RALYL: variants seen among roughly 807,000 people sequenced by gnomAD.
The protein encoded by RALYL is RNA-binding Raly-like protein.
Under a neutral mutation model 35.1 loss-of-function variants are expected in RALYL, and 29 were observed. That is an observed-to-expected ratio of 0.83 (90% CI 0.61 to 1.13). The LOEUF is 1.13. Among genes scored for constraint, RALYL ranks in the 50% most tolerant of loss-of-function variants. RALYL has a pLI of 0.00. For synonymous variants in RALYL, 120 were observed against 127.6 expected (o/e 0.94, Z 0.40); for missense variants, 359 against 360.4 (o/e 1.00, Z 0.03).
At chr8:84,600,108 T>C (rs1466719717) in intron 2 of RALYL, among the ~76,000 whole-genome samples, 1 of 152,098 alleles carries the variant, frequency 6.6e-6, no homozygotes, top group Non-Finnish European at 1.5e-5. Context: ...CTTTGACTTA[T>C]TTCATCCCAA....
In RALYL at chr8:84,821,497, T is replaced by C. The variant is rs182658412; in HGVS notation, c.365+16695T>C. Among the ~76,000 whole-genome samples the C allele has an allele frequency of 6.5e-3, 993 of 152,328 alleles. 8 individuals carry two copies. Among genetic ancestry groups the C allele is most frequent in the Non-Finnish European group, 8.6e-3 (584 of 68,024 alleles). On this transcript the variant is annotated intron_variant, in intron 4 of 8. Coordinates refer to ENST00000521268, the MANE Select transcript of RALYL (RefSeq NM_173848.7). ...CTTTAATTATTCAGGAAAATAATCA[T>C]GTATGTAAAAAGTTATTTATTGCTT...
chr8:84,357,482 A>G (rs1852078898), intron 1 of RALYL, among the ~76,000 whole-genome samples: 1 of 151,964 alleles, frequency 6.6e-6, no homozygotes, highest in Non-Finnish European at 1.5e-5. Context: ...GATAACACTA[A>G]TTGTAAGGTT....
rs573048803 is a variant in RALYL, at chr8:84,269,880, A to G, written c.-24+85456A>G. On this transcript the variant is annotated intron_variant, in intron 1 of 8. Transcript: ENST00000521268. ...AAGTTTAGTTGAAACTCATTATTTG[A>G]TTATTAATATTTTAAAATTATAGTA... 6.0e-4 allele frequency among the ~76,000 whole-genome samples: 92 copies of G among 152,232 alleles called. 1 individual carries two copies. The highest frequency in any genetic ancestry group is 1.2e-3 in the Non-Finnish European group (84 of 67,992).
intron 7 of RALYL, 91 bp from the exon 8 acceptor site, chr8:84,887,513 T>A: frequency 8.6e-7 from 1 of 1,157,228 alleles, no homozygotes; most frequent in Non-Finnish European, 1.2e-6. Flanking sequence ...GCATATAGCG[T>A]TTACCCTTTC....
intron 2 of RALYL, among the ~76,000 whole-genome samples, chr8:84,562,547 C>G (rs754213440): frequency 6.6e-6 from 1 of 151,840 alleles, no homozygotes; most frequent in Non-Finnish European, 1.5e-5. Flanking sequence ...GAAAGATGGT[C>G]ATATAAAATG....
At chr8:84,350,166 T>C (rs1850620721) in intron 1 of RALYL, among the ~76,000 whole-genome samples, 1 of 150,428 alleles carries the variant, frequency 6.6e-6, no homozygotes, top group Non-Finnish European at 1.5e-5. Flanking sequence ...CGTAAGACAC[T>C]GGGCAGCCCC....
chr8:84,451,840 C>T (rs2049512308), intron 1 of RALYL, among the ~76,000 whole-genome samples: 1 of 151,866 alleles, frequency 6.6e-6, no homozygotes, highest in Non-Finnish European at 1.5e-5. Flanking sequence ...TTACTTATTC[C>T]CATTTGCTTT....
chr8:84,406,602 T>G (rs1193235378), intron 1 of RALYL, among the ~76,000 whole-genome samples: 1 of 152,010 alleles, frequency 6.6e-6, no homozygotes, highest in Non-Finnish European at 1.5e-5. Flanking sequence ...ATAACCATTT[T>G]GAATAAACCA....
At chr8:84,898,561 A>G (rs1563831442) in intron 8 of RALYL, among the ~76,000 whole-genome samples, 2 of 152,292 alleles carry the variant, frequency 1.3e-5, no homozygotes, top group Middle Eastern at 3.4e-3. Context: ...ATGAAAACTC[A>G]CTCAAAATCA....
intron 2 of RALYL, among the ~76,000 whole-genome samples, chr8:84,642,771 T>C (rs1044909147): frequency 6.6e-6 from 1 of 151,536 alleles, no homozygotes; most frequent in African/African-American, 2.4e-5. Flanking sequence ...AGAAAGGAGG[T>C]CAGGTTTTAC....
intron 8 of RALYL, among the ~76,000 whole-genome samples, chr8:84,903,786 C>T (rs1226109431): frequency 1.3e-5 from 2 of 152,028 alleles, no homozygotes; most frequent in African/African-American, 2.4e-5. Context: ...AAGTCTTTCC[C>T]GTCTTGTAAA....
At chr8:84,657,973 T>A (rs1830256406) in intron 2 of RALYL, among the ~76,000 whole-genome samples, 1 of 152,134 alleles carries the variant, frequency 6.6e-6, no homozygotes, top group South Asian at 2.1e-4. Flanking sequence ...TCTGTCTTGG[T>A]CAAGGGGATC....
intron 2 of RALYL, among the ~76,000 whole-genome samples, chr8:84,670,954 GTC>G (rs1564345690): frequency 6.6e-6 from 1 of 152,128 alleles, no homozygotes; most frequent in African/African-American, 2.4e-5. Flanking sequence ...ACAGTTCAAA[GTC>G]TCATCTGAGA....
chr8:84,483,016 T>A (rs369294946), intron 1 of RALYL, among the ~76,000 whole-genome samples: 2 of 152,116 alleles, frequency 1.3e-5, no homozygotes, highest in African/African-American at 2.4e-5. Context: ...AACCTCTTTA[T>A]GTAAAAGTTA....
chr8:84,908,551 A>T (rs1487748788), intron 8 of RALYL, among the ~76,000 whole-genome samples: 1 of 152,176 alleles, frequency 6.6e-6, no homozygotes. Flanking sequence ...CTTAAGGCTG[A>T]ATAGTATTCC....
intron 1 of RALYL, among the ~76,000 whole-genome samples, chr8:84,365,944 T>C (rs1450978983): frequency 1.3e-5 from 2 of 152,212 alleles, no homozygotes; most frequent in Non-Finnish European, 2.9e-5. Context: ...CATGGACACG[T>C]TGGCATTGGC....
chr8:84,219,773 A>G (rs758627034), intron 1 of RALYL, among the ~76,000 whole-genome samples: 1 of 152,058 alleles, frequency 6.6e-6, no homozygotes, highest in Non-Finnish European at 1.5e-5. Context: ...CTAACAGGAT[A>G]GTAGGACCTA....
intron 3 of RALYL, among the ~76,000 whole-genome samples, chr8:84,785,366 A>G (rs1302550488): frequency 6.6e-6 from 1 of 152,214 alleles, no homozygotes; most frequent in Non-Finnish European, 1.5e-5. Flanking sequence ...TGATTATAAA[A>G]AAAAATCAAC....
chr8:84,505,117 C>G (rs141133342), intron 1 of RALYL, among the ~76,000 whole-genome samples: 2 of 152,070 alleles, frequency 1.3e-5, no homozygotes. Flanking sequence ...CATGAGTGCA[C>G]GAACAATACA....
Sources: gnomAD v4.1 joint callset for allele counts (sites outside exome capture counted in the v4.1 genomes callset) on GRCh38, gnomAD v4.1.1 for gene constraint, MANE v1.5 for transcripts, NCBI Gene and HGNC (gene_info 2026-07-23, HGNC 2026-07-21) for gene names.